The following TP53BP2 variants were observed in gnomAD, a reference collection of about 807,000 sequenced individuals.
TP53BP2 encodes the protein apoptosis-stimulating of p53 protein 2.
A neutral mutation model predicts 126.2 loss-of-function variants in TP53BP2; 62 were observed. The ratio of observed to expected loss-of-function variants is 0.49; its 90% CI spans 0.40 to 0.61. TP53BP2 has a LOEUF of 0.61. TP53BP2 is among the 20% of genes least tolerant of loss of function. TP53BP2 has a pLI of 0.00. For synonymous variants in TP53BP2, 485 were observed against 502.9 expected, an observed-to-expected ratio of 0.96 and a Z score of 0.48; for missense variants, 1,215 against 1,402.8, an observed-to-expected ratio of 0.87 and a Z score of 2.14.
chr1:223,805,376 A>G (rs1662676020), intron 5 of TP53BP2, among the ~76,000 whole-genome samples: 1 of 152,234 alleles, frequency 6.6e-6, no homozygotes, highest in Admixed American at 6.5e-5. Context: ...TGTAATGTGC[A>G]TCAGCATCAC....
intron 1 of TP53BP2, among the ~76,000 whole-genome samples, chr1:223,822,505 A>C (rs910360962): frequency 7.2e-5 from 11 of 152,082 alleles, no homozygotes; most frequent in African/African-American, 2.7e-4. Context: ...GTTTCTACCA[A>C]AAATTAAAAG....
At chr1:223,826,352 G>A (rs372287987) in intron 1 of TP53BP2, among the ~76,000 whole-genome samples, 3 of 152,192 alleles carry the variant, frequency 2.0e-5, no homozygotes, top group African/African-American at 7.2e-5. Flanking sequence ...ATCTGGGTTG[G>A]AGACTGAAAA....
chr1:223,812,235 C>A (rs1662934715), intron 3 of TP53BP2, among the ~76,000 whole-genome samples: 1 of 152,190 alleles, frequency 6.6e-6, no homozygotes, highest in Non-Finnish European at 1.5e-5. Context: ...CACTTAACCC[C>A]TAAGTATCAG....
chr1:223,794,156 T>TA (rs922018421), intron 13 of TP53BP2, among the ~76,000 whole-genome samples: 220 of 145,134 alleles, frequency 1.5e-3, no homozygotes, highest in South Asian at 2.8e-3. Flanking sequence ...GAATCGGACT[T>TA]AAAAAAAAAA....
At chr1:223,825,816 C>T (rs1377505827) in intron 1 of TP53BP2, 1 of 152,214 alleles carries the variant, frequency 6.6e-6, no homozygotes, top group Non-Finnish European at 1.5e-5. Flanking sequence ...AAAAAATAAA[C>T]ACCACAACCT....
At position 223,826,847 on chromosome 1, in the gene TP53BP2, T is replaced by C. The variant is rs567333058; in HGVS notation, c.28-5480A>G. ...ATGCTACACACGGAATGAGATACGA[T>C]GGTAGCACAGACTGCAAATTAATAG... On this transcript the variant is annotated intron_variant, in intron 1 of 17. Coordinates refer to ENST00000343537, the MANE Select transcript of TP53BP2 (RefSeq NM_001031685.3). 2.0e-4 allele frequency among the ~76,000 whole-genome samples: 30 copies of C among 152,242 alleles called. No homozygotes were observed. The South Asian group carries it at 6.0e-3, about 31-fold the overall frequency.
In TP53BP2 at chr1:223,789,297, A is replaced by T. The variant is rs541485072; in HGVS notation, c.2997-123T>A. ...CCAAGTTTTCTTCTGAAAACCTCTT[A>T]AACAGTTTTTTAAAAACCAGTTCAA... On this transcript the variant is annotated intron_variant, in intron 15 of 17. Coordinates refer to ENST00000343537, the MANE Select transcript of TP53BP2 (RefSeq NM_001031685.3). 9 of 1,145,458 alleles carry T rather than the reference A, an allele frequency of 7.9e-6. No individual in the cohort carries two copies. The African/African-American group carries it at 1.1e-4, about 14-fold the overall frequency. 71.0% of individuals were successfully genotyped at this position (1,145,458 alleles called of 1,614,324 possible). A position where few individuals can be genotyped will look rare whatever the true frequency, so the allele number is the denominator to read the frequency against.
intron 16 of TP53BP2, among the ~76,000 whole-genome samples, chr1:223,786,561 TGTGTGTGTGTGCGTGTGTGC>T (rs1336828406): frequency 2.1e-5 from 3 of 145,442 alleles, no homozygotes; most frequent in Non-Finnish European, 3.0e-5. Context: ...ATTATATATA[TGTGTGTGTGTGCGTGTGTGC>T]GTGTGTGTGT....
intron 1 of TP53BP2, among the ~76,000 whole-genome samples, chr1:223,825,015 T>G (rs1663438790): frequency 8.0e-6 from 1 of 125,054 alleles, no homozygotes; most frequent in African/African-American, 4.3e-5. Context: ...CTACCTAGAA[T>G]TCCAACACCA....
chr1:223,813,571 T>C (rs6694960), intron 3 of TP53BP2, among the ~76,000 whole-genome samples: 17,462 of 152,058 alleles, frequency 0.11, 1,226 homozygotes, highest in African/African-American at 0.2. Flanking sequence ...TGAACTCCCA[T>C]TGAATTTGTC....
At chr1:223,823,518 A>G (rs990874161) in intron 1 of TP53BP2, among the ~76,000 whole-genome samples, 2 of 152,228 alleles carry the variant, frequency 1.3e-5, no homozygotes, top group South Asian at 2.1e-4. Context: ...AAAAATAAAA[A>G]AACACTGTAG....
chr1:223,786,901 C>T (rs1046406283), intron 16 of TP53BP2, among the ~76,000 whole-genome samples: 12 of 149,612 alleles, frequency 8.0e-5, no homozygotes, highest in Admixed American at 2.7e-4. Flanking sequence ...CCACCGCGCC[C>T]GGCTTTTTTT....
intron 2 of TP53BP2, 157 bp downstream of exon 2, chr1:223,821,063 T>C (rs1663286337): frequency 2.3e-6 from 2 of 871,374 alleles, no homozygotes; most frequent in African/African-American, 3.4e-5. Flanking sequence ...ACTTCATGTA[T>C]CATACCAAAG....
At chr1:223,790,626 T>G (rs1662125412) in intron 15 of TP53BP2, among the ~76,000 whole-genome samples, 2 of 144,094 alleles carry the variant, frequency 1.4e-5, no homozygotes, top group Non-Finnish European at 3.0e-5. Context: ...TTTTTTTTTT[T>G]GAGGATCTTG....
Position 223,799,975 on chromosome 1 carries a change from T to G in TP53BP2, c.1409A>C (p.Asp470Ala), listed in dbSNP as rs770304578. Residue 470 changes from aspartate to alanine, a missense_variant, in exon 11 of 18, where the codon GAC (aspartate) becomes GCC (alanine). Physicochemically the swap from Asp to Ala is moderately radical, Grantham distance 126. Transcript: ENST00000343537. ...AAAGGAAGGTGGGGCATTGGACTGGTCTACTGCATCAAACATTGAGAACGG... is the reference window on the plus strand; with the variant it reads ...AAAGGAAGGTGGGGCATTGGACTGGGCTACTGCATCAAACATTGAGAACGG... The part of the protein sequence containing the change: ...VRPFSMFDAV[D>A]QSNAPPSFGT... 5 of 1,613,656 alleles carry G rather than the reference T, an allele frequency of 3.1e-6. No homozygotes were observed. Among genetic ancestry groups the G allele is most frequent in the Non-Finnish European group, 4.2e-6 (5 of 1,179,838 alleles).
rs201380739 is a variant in TP53BP2, at chr1:223,804,337, T to A, written c.486A>T (p.Leu162Phe). The change falls in exon 6 of 18, where the codon TTA (leucine) becomes TTT (phenylalanine). Residue 162 changes from leucine to phenylalanine, a missense_variant. Transcript: ENST00000343537. ...QQLLATKEQR[L>F]KFLKQQDQRQ... ...GCTGATCTTGTTGTTTCAAAAACTT[T>A]AAGCGCTGTTCCTAAAAATAAAAGT... 2 of 1,613,508 alleles carry A rather than the reference T, an allele frequency of 1.2e-6. No homozygotes were observed. The highest frequency in any genetic ancestry group is 1.7e-6 in the Non-Finnish European group (2 of 1,179,906).
chr1:223,826,571 GCTA>G (rs1335556088), intron 1 of TP53BP2, among the ~76,000 whole-genome samples: 1 of 152,138 alleles, frequency 6.6e-6, no homozygotes, highest in Non-Finnish European at 1.5e-5. Context: ...TAGGTACAGG[GCTA>G]CTTTTTGGGG....
At chr1:223,817,080 A>C (rs1458299656) in intron 2 of TP53BP2, among the ~76,000 whole-genome samples, 1 of 151,416 alleles carries the variant, frequency 6.6e-6, no homozygotes, top group Admixed American at 6.6e-5. Context: ...GGATCACTTG[A>C]GCCTAGAAGG....
At chr1:223,806,748 C>G (rs1662730860) in intron 5 of TP53BP2, 98 bp downstream of exon 5, 2 of 849,370 alleles carry the variant, frequency 2.4e-6, no homozygotes, top group African/African-American at 3.4e-5. Flanking sequence ...CACTTGAACT[C>G]AGGAGGCGGA....
Sources: gnomAD v4.1 joint callset for allele counts (sites outside exome capture counted in the v4.1 genomes callset) on GRCh38, gnomAD v4.1.1 for gene constraint, MANE v1.5 for transcripts, NCBI Gene and HGNC (gene_info 2026-07-23, HGNC 2026-07-21) for gene names.